The following M1AP variants were observed in gnomAD, a reference collection of about 807,000 sequenced individuals.
M1AP encodes the protein meiosis 1 associated protein, also known as meiosis 1 arrest protein.
M1AP carries 39 observed loss-of-function variants against 51.2 expected under a neutral mutation model. That is an observed-to-expected ratio of 0.76 (90% CI 0.59 to 1.00). M1AP has a LOEUF of 1.00. Among genes scored for constraint, M1AP ranks in the 50% least tolerant of loss-of-function variants. The pLI, the probability that M1AP is intolerant of heterozygous loss-of-function variation, is 0.00. For missense variants in M1AP, 545 were observed against 641.2 expected (o/e 0.85, Z 1.62); for synonymous variants, 251 against 249.2 (o/e 1.01, Z -0.07).
chr2:74,619,750 A>G (rs1681893761), intron 2 of M1AP, among the ~76,000 whole-genome samples: 1 of 152,222 alleles, frequency 6.6e-6, no homozygotes, highest in Non-Finnish European at 1.5e-5. Flanking sequence ...TCAACTTAAT[A>G]TTACCAGACA....
chr2:74,575,611 T>C (rs1180431593), intron 6 of M1AP, 32 bp from the exon 7 acceptor site: 1 of 1,560,370 alleles, frequency 6.4e-7, no homozygotes, highest in South Asian at 1.1e-5. Context: ...CAAAGACTCC[T>C]TAGTGATATC....
intron 4 of M1AP, among the ~76,000 whole-genome samples, chr2:74,595,599 G>A (rs766881334): frequency 6.6e-6 from 1 of 152,126 alleles, no homozygotes; most frequent in Non-Finnish European, 1.5e-5. Context: ...TGATCTGCCT[G>A]TCTTGGCCTC....
At chr2:74,598,393 A>G (rs555076617) in intron 4 of M1AP, among the ~76,000 whole-genome samples, 2 of 151,732 alleles carry the variant, frequency 1.3e-5, no homozygotes, top group East Asian at 3.9e-4. Flanking sequence ...ATAAATAAAT[A>G]AATAAATAAA....
chr2:74,624,020 T>C (rs185552830), intron 2 of M1AP, among the ~76,000 whole-genome samples: 566 of 152,334 alleles, frequency 3.7e-3, no homozygotes, highest in Non-Finnish European at 5.4e-3. Flanking sequence ...TCAGCAGGCA[T>C]AGTATTATCT....
chr2:74,636,176 C>G (rs889072892), intron 2 of M1AP, among the ~76,000 whole-genome samples: 1 of 151,898 alleles, frequency 6.6e-6, no homozygotes, highest in Non-Finnish European at 1.5e-5. Context: ...TCTGTATCTT[C>G]TTGGTGGATT....
chr2:74,578,219 C>T (rs1233680708), intron 5 of M1AP, among the ~76,000 whole-genome samples: 1 of 152,202 alleles, frequency 6.6e-6, no homozygotes, highest in Non-Finnish European at 1.5e-5. Flanking sequence ...GGCCCTACCC[C>T]AGACCAACTG....
intron 7 of M1AP, among the ~76,000 whole-genome samples, chr2:74,565,416 T>G (rs1678310438): frequency 6.6e-6 from 1 of 152,208 alleles, no homozygotes; most frequent in Non-Finnish European, 1.5e-5. Context: ...AATTATATAC[T>G]GCAACAAAGT....
At position 74,558,554 on chromosome 2, in the gene M1AP, TG is replaced by T; in HGVS notation, c.*161del. On this transcript the variant is annotated 3_prime_UTR_variant, in exon 11 of 11. Transcript: ENST00000421985. ...GTGTGTCGCTTCCAGACTTGAGGAG[TG>T]GGACAGCACTGAAACAGGACAGGAA... The T allele has an allele frequency of 1.4e-6, 1 of 714,626 alleles. No individual in the cohort carries two copies. The highest frequency in any genetic ancestry group is 2.1e-5 in the South Asian group (1 of 48,016). 44.3% of individuals were successfully genotyped at this position (714,626 alleles called of 1,614,324 possible). A position where few individuals can be genotyped will look rare whatever the true frequency, so the allele number is the denominator to read the frequency against.
intron 2 of M1AP, among the ~76,000 whole-genome samples, chr2:74,622,316 T>C (rs1279396536): frequency 6.6e-6 from 1 of 151,922 alleles, no homozygotes. Flanking sequence ...CTTGGCTCAC[T>C]GCAACCCCGC....
intron 2 of M1AP, chr2:74,628,919 A>G: frequency 7.6e-6 from 3 of 394,332 alleles, no homozygotes; most frequent in South Asian, 7.0e-5. Flanking sequence ...CTGCAGTGTC[A>G]TCATTACTAT....
At chr2:74,598,679 C>T (rs1558670091) in intron 4 of M1AP, among the ~76,000 whole-genome samples, 1 of 140,892 alleles carries the variant, frequency 7.1e-6, no homozygotes, top group Non-Finnish European at 1.5e-5. Context: ...GGCTGGAGTG[C>T]AGTGGTGTGA....
At chr2:74,622,032 A>G (rs1445086046) in intron 2 of M1AP, among the ~76,000 whole-genome samples, 1 of 150,958 alleles carries the variant, frequency 6.6e-6, no homozygotes, top group African/African-American at 2.4e-5. Context: ...AGGCATAAGA[A>G]TCACTTAGAC....
chr2:74,634,705 G>A (rs1401508115), intron 2 of M1AP, among the ~76,000 whole-genome samples: 2 of 152,124 alleles, frequency 1.3e-5, no homozygotes, highest in Admixed American at 1.3e-4. Flanking sequence ...ATCATGAGTG[G>A]ACGTTGAACT....
intron 2 of M1AP, chr2:74,620,909 C>T: frequency 5.6e-6 from 1 of 179,300 alleles, no homozygotes; most frequent in Non-Finnish European, 1.3e-5. Flanking sequence ...CGGCAACATG[C>T]TGTCCAAACA....
At chr2:74,588,354 T>C (rs1573103203) in intron 4 of M1AP, among the ~76,000 whole-genome samples, 2 of 152,190 alleles carry the variant, frequency 1.3e-5, no homozygotes, top group African/African-American at 2.4e-5. Context: ...ACAGAGACTA[T>C]AGAGTCACAG....
chr2:74,618,308 C>T (rs1382819746), intron 2 of M1AP, among the ~76,000 whole-genome samples: 2 of 152,192 alleles, frequency 1.3e-5, no homozygotes, highest in African/African-American at 2.4e-5. Flanking sequence ...GAGTGCTCAG[C>T]GTGCAGGGCC....
intron 7 of M1AP, among the ~76,000 whole-genome samples, chr2:74,573,655 A>G (rs1302557909): frequency 1.3e-5 from 2 of 152,136 alleles, no homozygotes; most frequent in Non-Finnish European, 2.9e-5. Flanking sequence ...ACCAGGTTAT[A>G]GTTCCTATAA....
chr2:74,609,668 T>G (rs1429764641), intron 3 of M1AP, among the ~76,000 whole-genome samples: 1 of 152,214 alleles, frequency 6.6e-6, no homozygotes, highest in East Asian at 1.9e-4. Flanking sequence ...TAATTTGCAT[T>G]CTTACCAAAA....
At chr2:74,625,892 G>A (rs1045058670) in intron 2 of M1AP, among the ~76,000 whole-genome samples, 1 of 152,180 alleles carries the variant, frequency 6.6e-6, no homozygotes, top group South Asian at 2.1e-4. Context: ...GTCTCCTGTG[G>A]CCATCTCAAT....
Sources: allele counts gnomAD v4.1 joint callset (sites outside exome capture counted in the v4.1 genomes callset), GRCh38; gene constraint gnomAD v4.1.1; transcripts MANE v1.5; gene names NCBI Gene and HGNC (gene_info 2026-07-23, HGNC 2026-07-21).